Variants in MEGF11 observed in about 807,000 individuals in gnomAD.
MEGF11 encodes the protein multiple EGF like domains 11, also known as multiple epidermal growth factor-like domains protein 11.
In MEGF11, 126 loss-of-function variants were observed where a neutral mutation model predicts 146.6. That is an observed-to-expected ratio of 0.86 (90% CI 0.74 to 1.00). MEGF11 has a LOEUF of 1.00. Among genes scored for constraint, MEGF11 ranks in the 50% least tolerant of loss-of-function variants. MEGF11 has a pLI of 0.00. For missense variants in MEGF11, 1,509 were observed against 1,521.2 expected (o/e 0.99, Z 0.13); for synonymous variants, 532 against 583.4 (o/e 0.91, Z 1.27).
chr15:66,192,171 T>C (rs1179745788), intron 1 of MEGF11, among the ~76,000 whole-genome samples: 4 of 151,994 alleles, frequency 2.6e-5, no homozygotes, highest in Non-Finnish European at 5.9e-5. Flanking sequence ...GGCATTATGC[T>C]GAAATCGTCA....
At chr15:66,187,938 A>G (rs749983933) in intron 1 of MEGF11, among the ~76,000 whole-genome samples, 14 of 152,220 alleles carry the variant, frequency 9.2e-5, no homozygotes, top group Non-Finnish European at 7.3e-5. Flanking sequence ...GTTGAGGGAT[A>G]AAGGGGTATC....
intron 5 of MEGF11, among the ~76,000 whole-genome samples, chr15:66,033,068 G>A (rs1448894188): frequency 1.2e-4 from 12 of 97,416 alleles, no homozygotes; most frequent in African/African-American, 5.6e-4. Context: ...GTGACAGAGT[G>A]AGACTCCATC....
intron 1 of MEGF11, among the ~76,000 whole-genome samples, chr15:66,252,139 G>A (rs959181142): frequency 6.6e-6 from 1 of 152,212 alleles, no homozygotes; most frequent in African/African-American, 2.4e-5. Flanking sequence ...CGGCGAATCC[G>A]GCCCCTCCGA....
chr15:66,124,406 T>C (rs540586299), intron 2 of MEGF11, among the ~76,000 whole-genome samples: 2 of 152,230 alleles, frequency 1.3e-5, no homozygotes, highest in African/African-American at 4.8e-5. Flanking sequence ...TTGCAGCAAC[T>C]CTGTGAAGTA....
intron 5 of MEGF11, among the ~76,000 whole-genome samples, chr15:66,018,676 C>CATGTGCAA (rs112285672): frequency 3.3e-5 from 5 of 151,386 alleles, no homozygotes; most frequent in South Asian, 2.1e-4. Flanking sequence ...AGGGTGTCTG[C>CATGTGCAA]GTGTGCAAGT....
At chr15:66,000,294 T>C (rs1336319235) in intron 5 of MEGF11, among the ~76,000 whole-genome samples, 1 of 152,188 alleles carries the variant, frequency 6.6e-6, no homozygotes, top group African/African-American at 2.4e-5. Context: ...TTTGGGAGGC[T>C]GAGACAGGAG....
chr15:66,246,140 C>T (rs1021020524), intron 1 of MEGF11, among the ~76,000 whole-genome samples: 2 of 152,060 alleles, frequency 1.3e-5, no homozygotes, highest in African/African-American at 2.4e-5. Flanking sequence ...GCCTGTAATC[C>T]CAGCTACTCA....
chr15:65,972,106 CAGAG>C (rs902682047), intron 7 of MEGF11, among the ~76,000 whole-genome samples: 1 of 151,134 alleles, frequency 6.6e-6, no homozygotes, highest in Non-Finnish European at 1.5e-5. Flanking sequence ...TAAAGTATAC[CAGAG>C]AGAGAGAGAC....
intron 4 of MEGF11, among the ~76,000 whole-genome samples, chr15:66,095,135 C>T (rs947388174): frequency 4.6e-5 from 7 of 152,234 alleles, no homozygotes; most frequent in African/African-American, 7.2e-5. Context: ...TTTCTTATCA[C>T]GCAGTTGAAT....
At chr15:66,011,338 A>G (rs1301840819) in intron 5 of MEGF11, among the ~76,000 whole-genome samples, 2 of 151,700 alleles carry the variant, frequency 1.3e-5, no homozygotes, top group African/African-American at 4.8e-5. Flanking sequence ...TGGGTAAGCC[A>G]TTGCCCAGCT....
intron 5 of MEGF11, among the ~76,000 whole-genome samples, chr15:66,041,856 T>G (rs2083993035): frequency 6.6e-6 from 1 of 152,146 alleles, no homozygotes; most frequent in Non-Finnish European, 1.5e-5. Flanking sequence ...AGTAGCTAAG[T>G]TACGTGCTCA....
At chr15:66,073,916 G>A (rs1377013083) in intron 5 of MEGF11, among the ~76,000 whole-genome samples, 3 of 152,206 alleles carry the variant, frequency 2.0e-5, no homozygotes, top group African/African-American at 7.2e-5. Context: ...TGCTGGACAG[G>A]TGGACAAAGA....
chr15:66,084,981 G>C (rs1460484562), intron 5 of MEGF11, among the ~76,000 whole-genome samples: 2 of 152,182 alleles, frequency 1.3e-5, no homozygotes, highest in Non-Finnish European at 2.9e-5. Flanking sequence ...AGGGGGGACG[G>C]GGTGCAGCAC....
intron 1 of MEGF11, among the ~76,000 whole-genome samples, chr15:66,246,785 TG>T (rs1430204458): frequency 6.6e-6 from 1 of 152,176 alleles, no homozygotes; most frequent in Non-Finnish European, 1.5e-5. Flanking sequence ...CACTCCAGCC[TG>T]GGCAACAGGA....
intron 1 of MEGF11, among the ~76,000 whole-genome samples, chr15:66,132,281 A>T (rs1403110441): frequency 6.6e-6 from 1 of 152,202 alleles, no homozygotes; most frequent in Non-Finnish European, 1.5e-5. Flanking sequence ...ATTATCCAAG[A>T]TGCATAAATT....
At chr15:66,113,511 G>A (rs995519256) in intron 4 of MEGF11, among the ~76,000 whole-genome samples, 1 of 150,926 alleles carries the variant, frequency 6.6e-6, no homozygotes, top group Non-Finnish European at 1.5e-5. Context: ...CCGCTGCAGT[G>A]AGGCATGCTT....
intron 20 of MEGF11, 166 bp from the exon 21 acceptor site, chr15:65,912,366 T>A: frequency 2.5e-6 from 1 of 399,438 alleles, no homozygotes; most frequent in South Asian, 1.4e-4. Flanking sequence ...TACTGAAATC[T>A]GGAGAGCCTG....
chr15:65,976,548 A>G (rs1291372969), intron 7 of MEGF11, among the ~76,000 whole-genome samples: 2 of 152,186 alleles, frequency 1.3e-5, no homozygotes, highest in Non-Finnish European at 2.9e-5. Context: ...GGCCATCTAC[A>G]AGCCAAGGAA....
rs530521380 is a variant in MEGF11 at position 65,958,951 on chromosome 15, G to A, written c.1113-1230C>T. Among the ~76,000 whole-genome samples, 98 of 152,300 alleles carry A rather than the reference G, an allele frequency of 6.4e-4. 1 individual carries two copies. Among genetic ancestry groups the A allele is most frequent in the African/African-American group, 2.3e-3 (97 of 41,570 alleles). On this transcript the variant is annotated intron_variant, in intron 9 of 25. Transcript: ENST00000395614. Reference sequence around the variant, plus strand: ...TAAGGTCAAGAGAAGCATGCCCTGGGCTGGCAGGGAGAACCTGGGGCAAGT... The same window carrying A: ...TAAGGTCAAGAGAAGCATGCCCTGGACTGGCAGGGAGAACCTGGGGCAAGT...
Sources: allele counts gnomAD v4.1 joint callset (sites outside exome capture counted in the v4.1 genomes callset), GRCh38; gene constraint gnomAD v4.1.1; transcripts MANE v1.5; gene names NCBI Gene and HGNC (gene_info 2026-07-23, HGNC 2026-07-21).